Variants in HDLBP observed in about 807,000 individuals in gnomAD.
HDLBP encodes the protein vigilin.
HDLBP carries 30 observed loss-of-function variants against 137.3 expected under a neutral mutation model. The observed-to-expected ratio is 0.22, with a 90% CI of 0.16 to 0.30. The LOEUF (loss-of-function observed/expected upper bound fraction) is 0.30. Ranked by LOEUF, HDLBP falls within the 10% of genes least tolerant of loss-of-function variation. The pLI is 1.00. For synonymous variants in HDLBP, 606 were observed against 596.0 expected (o/e 1.02, Z -0.24); for missense variants, 1,119 against 1,667.3 (o/e 0.67, Z 5.73).
chr2:241,234,046 G>A, intron 23 of HDLBP, 83 bp from the exon 24 acceptor site: 1 of 1,480,270 alleles, frequency 6.8e-7, no homozygotes, highest in Non-Finnish European at 9.4e-7. Context: ...CTGGTCATAG[G>A]ACACTGGAGA....
rs906719502 is a variant in HDLBP, at chr2:241,273,650, A to C, written c.-102-5109T>G. 6.9e-5 allele frequency: 68 copies of C among 985,326 alleles called. No homozygotes were observed. The African/African-American group carries it at 1.2e-3, about 17-fold the overall frequency. The allele number at this position is 985,326 out of a possible 1,614,324, so 61.0% of individuals were successfully genotyped here. A position where few individuals can be genotyped will look rare whatever the true frequency, so the allele number is the denominator to read the frequency against. Reference sequence around the variant, plus strand: ...GAACCTCTGGCAAAGTCGCAGGTCAACAGAATCCTGCATAGGGCACAGGAT... The same window carrying C: ...GAACCTCTGGCAAAGTCGCAGGTCACCAGAATCCTGCATAGGGCACAGGAT... On this transcript the variant is annotated intron_variant, in intron 1 of 27. Coordinates refer to ENST00000310931, the MANE Select transcript of HDLBP (RefSeq NM_005336.6).
At chr2:241,312,476 C>T (rs951598424) in intron 1 of HDLBP, among the ~76,000 whole-genome samples, 7 of 152,138 alleles carry the variant, frequency 4.6e-5, no homozygotes, top group Non-Finnish European at 4.4e-5. Context: ...AGATGTTGAA[C>T]GTTGTGGTGC....
In HDLBP at chr2:241,278,206, G is replaced by C. The variant is rs1051374942; in HGVS notation, c.-102-9665C>G. Among the ~76,000 whole-genome samples, 4 of 152,072 alleles carry C rather than the reference G, an allele frequency of 2.6e-5. No homozygotes were observed. In the South Asian group the frequency reaches 8.3e-4, roughly 32 times the overall value. On this transcript the variant is annotated intron_variant, in intron 1 of 27. Transcript: ENST00000310931. Reference sequence around the variant, plus strand: ...ACGATGAAGTTTAATCCAGTAATGTGGGGGGGTACAATATTAGAAAAACAG... The same window carrying C: ...ACGATGAAGTTTAATCCAGTAATGTCGGGGGGTACAATATTAGAAAAACAG...
intron 1 of HDLBP, among the ~76,000 whole-genome samples, chr2:241,292,957 C>T (rs997484164): frequency 3.9e-5 from 6 of 152,150 alleles, no homozygotes; most frequent in Non-Finnish European, 8.8e-5. Context: ...CACTTGAGTG[C>T]GGGGAGGCTG....
intron 1 of HDLBP, among the ~76,000 whole-genome samples, chr2:241,310,073 G>A (rs1172253631): frequency 3.9e-5 from 6 of 152,040 alleles, no homozygotes; most frequent in Non-Finnish European, 7.3e-5. Flanking sequence ...CAACAAACCA[G>A]AGCAGCCTCA....
chr2:241,251,400 A>G (rs936498720), intron 11 of HDLBP, among the ~76,000 whole-genome samples: 6 of 152,252 alleles, frequency 3.9e-5, no homozygotes, highest in East Asian at 3.8e-4. Flanking sequence ...CCCACAAAAC[A>G]TAAGACTGAC....
intron 11 of HDLBP, chr2:241,250,492 C>T (rs1158320322): frequency 1.3e-5 from 2 of 153,040 alleles, no homozygotes; most frequent in African/African-American, 4.8e-5. Flanking sequence ...GAGCACTTCA[C>T]TGTGTCTGCA....
chr2:241,304,278 C>T (rs907796040), intron 1 of HDLBP, among the ~76,000 whole-genome samples: 1 of 152,216 alleles, frequency 6.6e-6, no homozygotes, highest in Non-Finnish European at 1.5e-5. Flanking sequence ...TAATAGCACA[C>T]CAATGGCTTC....
intron 8 of HDLBP, 107 bp downstream of exon 8, chr2:241,255,267 C>T (rs1190573229): frequency 2.1e-6 from 3 of 1,408,578 alleles, no homozygotes; most frequent in Non-Finnish European, 3.0e-6. Context: ...CAAACCTGGG[C>T]ACCTGCACTG....
rs114998920 is a variant in HDLBP, at chr2:241,235,445, C to T, written c.3009+45G>A. 5,006 of 1,506,888 alleles carry T rather than the reference C, an allele frequency of 3.3e-3. 123 individuals carry two copies. In the African/African-American group the frequency reaches 0.059, roughly 18 times the overall value. The allele number at this position is 1,506,888 out of a possible 1,614,324, so 93.3% of individuals were successfully genotyped here. ...GGACACTGGCACTCGGGAGAGGATGCGACAGGCCACTCCTGTGACATGGCC... is the reference window on the plus strand; with the variant it reads ...GGACACTGGCACTCGGGAGAGGATGTGACAGGCCACTCCTGTGACATGGCC... On this transcript the variant is annotated intron_variant, in intron 22 of 27. Transcript: ENST00000310931.
rs1451307005 is a variant in HDLBP at position 241,227,749 on chromosome 2, G to A, written c.*1852C>T. 6.6e-6 allele frequency: 1 copy of A among 152,548 alleles called. No homozygotes were observed. Among genetic ancestry groups the A allele is most frequent in the Admixed American group, 6.5e-5 (1 of 15,284 alleles). 9.4% of individuals were successfully genotyped at this position (152,548 alleles called of 1,614,324 possible). A position where few individuals can be genotyped will look rare whatever the true frequency, so the allele number is the denominator to read the frequency against. On this transcript the variant is annotated 3_prime_UTR_variant, in exon 28 of 28. Coordinates refer to ENST00000310931, the MANE Select transcript of HDLBP (RefSeq NM_005336.6). ...AGGAACCCGCTGCGATGGAGATTGGGGGGAGCTGGAAGCAAGCAGCCAACA... is the reference window on the plus strand; with the variant it reads ...AGGAACCCGCTGCGATGGAGATTGGAGGGAGCTGGAAGCAAGCAGCCAACA...
chr2:241,303,377 A>G (rs574633099), intron 1 of HDLBP, among the ~76,000 whole-genome samples: 1 of 152,274 alleles, frequency 6.6e-6, no homozygotes, highest in Admixed American at 6.5e-5. Flanking sequence ...ACACCATACA[A>G]CAGGACGCTG....
rs2073715766 is a variant in HDLBP at position 241,266,925 on chromosome 2, A to G, written c.-37-19T>C. ...AAAACCACTAAAGCAAAGAAGAATAAATCAGAAGTCAAAGTACAACCCTCA... is the reference window on the plus strand; with the variant it reads ...AAAACCACTAAAGCAAAGAAGAATAGATCAGAAGTCAAAGTACAACCCTCA... On this transcript the variant is annotated intron_variant, in intron 2 of 27. Transcript: ENST00000310931. 6.4e-7 allele frequency: 1 copy of G among 1,558,264 alleles called. No individual in the cohort carries two copies. The highest frequency in any genetic ancestry group is 8.9e-7 in the Non-Finnish European group (1 of 1,128,972).
chr2:241,252,970 C>T lies in HDLBP; in HGVS notation c.1359G>A (p.Lys453=). The stretch of plus-strand genomic sequence containing the variant: ...AGCCTCACTCACTGTTGGCACCGCT[C>T]TTCCCAATGAGGTGCCTGTGGAACT... ...DHKFHRHLIG[K]SGANINRIKD... is the part of the protein sequence containing the mutation. Residue 453 remains lysine, a synonymous_variant, in exon 11 of 28, where the codon AAG becomes AAA. Transcript: ENST00000310931. 1 of 1,607,268 alleles carries T rather than the reference C, an allele frequency of 6.2e-7. No homozygotes were observed.
chr2:241,229,391 A>G lies in HDLBP; in HGVS notation c.*210T>C, dbSNP rs1170919945. 9.8e-6 allele frequency: 5 copies of G among 512,492 alleles called. No homozygotes were observed. The highest frequency in any genetic ancestry group is 3.3e-5 in the Admixed American group (1 of 30,394). 31.7% of individuals were successfully genotyped at this position (512,492 alleles called of 1,614,324 possible). ...ATGCTCATGACCTTGGTTTAGTGTTAAACAGTGGAGCAGGTCCTGAGCGGG... is the reference window on the plus strand; with the variant it reads ...ATGCTCATGACCTTGGTTTAGTGTTGAACAGTGGAGCAGGTCCTGAGCGGG... On this transcript the variant is annotated 3_prime_UTR_variant, in exon 28 of 28. Coordinates refer to ENST00000310931, the MANE Select transcript of HDLBP (RefSeq NM_005336.6).
Position 241,256,584 on chromosome 2 carries a change from C to T in HDLBP, c.657+16G>A, listed in dbSNP as rs376226436. ...AGCAGGTAGGCAGGGGCACGAGGCA[C>T]TCACACAGGCCTCACCTGCTCGGCA... On this transcript the variant is annotated intron_variant, in intron 6 of 27. Coordinates refer to ENST00000310931, the MANE Select transcript of HDLBP (RefSeq NM_005336.6). 8.4e-5 allele frequency: 136 copies of T among 1,611,948 alleles called. No individual in the cohort carries two copies. Among genetic ancestry groups the T allele is most frequent in the Non-Finnish European group, 1.1e-4 (131 of 1,178,910 alleles).
intron 1 of HDLBP, among the ~76,000 whole-genome samples, chr2:241,305,760 G>GTTT (rs1195214073): frequency 1.5e-5 from 2 of 135,998 alleles, no homozygotes; most frequent in Admixed American, 7.4e-5. Flanking sequence ...TTGTTTATTT[G>GTTT]TTTTTTTTTT....
Position 241,256,691 on chromosome 2 carries a change from G to A in HDLBP, c.566C>T (p.Pro189Leu), listed in dbSNP as rs758962394. Residue 189 changes from proline to leucine, a missense_variant, in exon 6 of 28, where the codon CCA becomes CTA. Pro to Leu is a moderately conservative substitution (Grantham distance 98). Coordinates refer to ENST00000310931, the MANE Select transcript of HDLBP (RefSeq NM_005336.6). Reference sequence around the variant, plus strand: ...CTTGATCTGATTGCTGGGGTCATCTGGGCGTGGGATCTGGATTTTGGTTGC... The same window carrying A: ...CTTGATCTGATTGCTGGGGTCATCTAGGCGTGGGATCTGGATTTTGGTTGC... ...KTATKIQIPR[P>L]DDPSNQIKIT... The A allele has an allele frequency of 3.7e-6, 6 of 1,614,098 alleles. No homozygotes were observed. In the African/African-American group the frequency reaches 6.7e-5, roughly 18 times the overall value.
intron 16 of HDLBP, among the ~76,000 whole-genome samples, chr2:241,243,972 A>G (rs1323510878): frequency 6.6e-6 from 1 of 152,238 alleles, no homozygotes; most frequent in East Asian, 1.9e-4. Flanking sequence ...AGCCAAGGAC[A>G]GAAAAACAGG....
Sources: gnomAD v4.1 joint callset for allele counts (sites outside exome capture counted in the v4.1 genomes callset) on GRCh38, gnomAD v4.1.1 for gene constraint, MANE v1.5 for transcripts, NCBI Gene and HGNC (gene_info 2026-07-23, HGNC 2026-07-21) for gene names.